PARP11: variants seen among roughly 807,000 people sequenced by gnomAD.
PARP11 encodes poly(ADP-ribose) polymerase family member 11, also known as protein mono-ADP-ribosyltransferase PARP11.
Under a neutral mutation model 42.9 loss-of-function variants are expected in PARP11, and 31 were observed. That is an observed-to-expected ratio of 0.72 (90% CI 0.54 to 0.98). The LOEUF is 0.98. PARP11 is among the 50% of genes least tolerant of loss of function. PARP11 has a pLI of 0.00. For missense variants in PARP11, 365 were observed against 413.1 expected (o/e 0.88, Z 1.01); for synonymous variants, 137 against 127.3 (o/e 1.08, Z -0.51).
chr12:3,824,775 T>G (rs1947481491), intron 4 of PARP11: 1 of 182,654 alleles, frequency 5.5e-6, no homozygotes, highest in Admixed American at 6.5e-5. Context: ...CTTCCATTAT[T>G]ATGTCTCATT....
intron 3 of PARP11, among the ~76,000 whole-genome samples, chr12:3,827,756 G>C (rs1008973719): frequency 2.6e-5 from 4 of 151,996 alleles, no homozygotes; most frequent in African/African-American, 9.7e-5. Context: ...CCCCTTCACT[G>C]TTTCTGGGCC....
chr12:3,844,422 C>T (rs190714019), intron 1 of PARP11, among the ~76,000 whole-genome samples: 372 of 152,240 alleles, frequency 2.4e-3, no homozygotes, highest in African/African-American at 8.4e-3. Flanking sequence ...CCACTTTCAG[C>T]TTATGCTTTT....
chr12:3,864,016 T>C (rs949515042), intron 1 of PARP11: 2 of 152,174 alleles, frequency 1.3e-5, no homozygotes, highest in Admixed American at 1.3e-4. Flanking sequence ...AGGACAGTCA[T>C]GGAAACAAGC....
At chr12:3,826,717 T>C (rs920913893) in intron 3 of PARP11, among the ~76,000 whole-genome samples, 8 of 152,234 alleles carry the variant, frequency 5.3e-5, no homozygotes, top group African/African-American at 1.9e-4. Flanking sequence ...CATTTCCTGA[T>C]TTCTCTTTAA....
rs542518623 is a variant in PARP11, at chr12:3,840,850, G to C, written c.19-10832C>G. ...GAAGTTAGAGTGCCCTTCTCCTGCA[G>C]AACAAAAGCCAGCAGAACATGTGTC... On this transcript the variant is annotated intron_variant, in intron 1 of 7. Transcript: ENST00000228820. This position sits in a 1 kb window ranked among gnomAD's most constrained non-coding sequence, Gnocchi z 4.4. 3.7e-6 allele frequency: 6 copies of C among 1,600,532 alleles called. No individual in the cohort carries two copies. In the East Asian group the frequency reaches 1.1e-4, roughly 30 times the overall value.
At chr12:3,824,601 A>G (rs957951194) in intron 4 of PARP11, 39 of 979,416 alleles carry the variant, frequency 4.0e-5, no homozygotes, top group African/African-American at 7.0e-5. Context: ...CTCTCCTTTT[A>G]TTATTATCTT....
chr12:3,863,532 G>T (rs1948335052), intron 1 of PARP11, among the ~76,000 whole-genome samples: 1 of 152,132 alleles, frequency 6.6e-6, no homozygotes, highest in African/African-American at 2.4e-5. Context: ...CAGGGTTGAT[G>T]ATTTCCTAGG....
intron 1 of PARP11, among the ~76,000 whole-genome samples, chr12:3,846,138 T>A (rs1414452453): frequency 1.3e-5 from 2 of 152,232 alleles, no homozygotes; most frequent in Non-Finnish European, 2.9e-5. Flanking sequence ...AAGTGTTGAA[T>A]ATATTCCTGT....
intron 1 of PARP11, among the ~76,000 whole-genome samples, chr12:3,870,040 C>T (rs1322176400): frequency 1.3e-5 from 2 of 152,328 alleles, no homozygotes; most frequent in East Asian, 3.9e-4. Flanking sequence ...TATCACACTA[C>T]ACAGTACAGT....
At chr12:3,868,297 C>T (rs1181097850) in intron 1 of PARP11, among the ~76,000 whole-genome samples, 2 of 152,110 alleles carry the variant, frequency 1.3e-5, no homozygotes, top group East Asian at 1.9e-4. Flanking sequence ...CCTGTCTCTA[C>T]TAAAATACAA....
intron 1 of PARP11, among the ~76,000 whole-genome samples, chr12:3,846,489 G>A (rs1947999341): frequency 6.6e-6 from 1 of 152,166 alleles, no homozygotes; most frequent in Non-Finnish European, 1.5e-5. Flanking sequence ...GGGCGCAGTA[G>A]CTCATGCCTG....
intron 1 of PARP11, among the ~76,000 whole-genome samples, chr12:3,854,383 C>T (rs994819289): frequency 5.3e-5 from 8 of 152,050 alleles, no homozygotes; most frequent in East Asian, 3.9e-4. Flanking sequence ...ATTGATAGAC[C>T]GCTAGCAAGA....
intron 6 of PARP11, 29 bp downstream of exon 6, chr12:3,821,841 AAGG>A (rs770076098): frequency 1.9e-6 from 3 of 1,586,802 alleles, no homozygotes; most frequent in Non-Finnish European, 1.7e-6. Context: ...ACATAGTGGA[AAGG>A]AGAAGTTTCA....
In PARP11 at chr12:3,809,584, C is replaced by T. The variant is rs1947130074; in HGVS notation, c.*2539G>A. 1 of 151,908 alleles carries T rather than the reference C, an allele frequency of 6.6e-6. No individual in the cohort carries two copies. Among genetic ancestry groups the T allele is most frequent in the South Asian group, 2.1e-4 (1 of 4,834 alleles). 9.4% of individuals were successfully genotyped at this position (151,908 alleles called of 1,614,324 possible). A position where few individuals can be genotyped will look rare whatever the true frequency, so the allele number is the denominator to read the frequency against. ...CTAAAAGAAAAACAACTCCCAAATG[C>T]TGTAACAGTTTTTCCATTCAAGTGC... On this transcript the variant is annotated 3_prime_UTR_variant, in exon 8 of 8. Coordinates refer to ENST00000228820, the MANE Select transcript of PARP11 (RefSeq NM_020367.6).
chr12:3,839,872 T>C (rs1263264320), intron 1 of PARP11: 11 of 1,077,172 alleles, frequency 1.0e-5, no homozygotes, highest in East Asian at 7.1e-5. Context: ...ACTAGACACG[T>C]TGGAAGTAGC....
chr12:3,829,231 C>A (rs532717692), intron 2 of PARP11, among the ~76,000 whole-genome samples: 12 of 152,162 alleles, frequency 7.9e-5, no homozygotes, highest in African/African-American at 7.2e-5. Flanking sequence ...AGTGAAGAGA[C>A]AACTGGTTAT....
chr12:3,860,086 A>G (rs1264264454), intron 1 of PARP11, among the ~76,000 whole-genome samples: 2 of 152,236 alleles, frequency 1.3e-5, no homozygotes, highest in African/African-American at 4.8e-5. Flanking sequence ...AAGATGCAGA[A>G]AATTCTCAAC....
At chr12:3,829,531 G>GA (rs1383981837) in intron 2 of PARP11, among the ~76,000 whole-genome samples, 2 of 152,182 alleles carry the variant, frequency 1.3e-5, no homozygotes, top group African/African-American at 4.8e-5. Flanking sequence ...GGATAAGGGA[G>GA]AAAATCAATG....
intron 6 of PARP11, among the ~76,000 whole-genome samples, chr12:3,821,598 G>A (rs574844623): frequency 1.3e-5 from 2 of 152,302 alleles, no homozygotes; most frequent in Admixed American, 6.5e-5. Context: ...AAGCTAAACA[G>A]CTCTGACACT....
Sources: gnomAD v4.1 joint callset for allele counts (sites outside exome capture counted in the v4.1 genomes callset) on GRCh38, gnomAD v4.1.1 for gene constraint, Gnocchi (gnomAD v3.1) non-coding constraint, MANE v1.5 for transcripts, NCBI Gene and HGNC (gene_info 2026-07-23, HGNC 2026-07-21) for gene names.